SLC35D4: variants seen among roughly 807,000 people sequenced by gnomAD.
SLC35D4 encodes UDP-N-acetylglucosamine transporter SLC35D4.
At chr18:23,432,032 G>A in the SLC35D4 span, among the ~76,000 whole-genome samples, 32 of 152,158 alleles carry the variant, frequency 2.1e-4, no homozygotes, top group African/African-American at 7.0e-4. Flanking sequence ...CTGCTTATGC[G>A]TTGTTCTACA....
chr18:23,266,922 C>T, the SLC35D4 span, among the ~76,000 whole-genome samples: 1 of 152,248 alleles, frequency 6.6e-6, no homozygotes, highest in Non-Finnish European at 1.5e-5. Context: ...TCCTGGTTCG[C>T]TGATGAGGGG....
the SLC35D4 span, among the ~76,000 whole-genome samples, chr18:23,410,525 C>T: frequency 1.3e-5 from 2 of 150,898 alleles, no homozygotes; most frequent in Admixed American, 1.3e-4. Context: ...GGGCTGGGGG[C>T]TGGGCGTAGT....
chr18:23,370,134 GCGCCATTGCACTCCAGATCA>G, the SLC35D4 span: 6 of 1,242,308 alleles, frequency 4.8e-6, no homozygotes, highest in South Asian at 2.8e-5. Context: ...AGCTGAGACC[GCGCCATTGCACTCCAGATCA>G]CGCCATTGCA....
At chr18:23,412,786 G>A in the SLC35D4 span, among the ~76,000 whole-genome samples, 61 of 152,278 alleles carry the variant, frequency 4.0e-4, no homozygotes, top group Admixed American at 3.1e-3. Context: ...ACACCCAACC[G>A]TTTATGTATT....
chr18:23,309,610 A>G, the SLC35D4 span: 5 of 1,403,912 alleles, frequency 3.6e-6, no homozygotes, highest in Non-Finnish European at 5.1e-6. Flanking sequence ...AACATTTGAG[A>G]GCAAAATTTA....
At chr18:23,346,047 G>C in the SLC35D4 span, among the ~76,000 whole-genome samples, 1 of 152,014 alleles carries the variant, frequency 6.6e-6, no homozygotes, top group African/African-American at 2.4e-5. Flanking sequence ...GAGATGGGAG[G>C]ATTGCTTGAG....
the SLC35D4 span, chr18:23,399,681 G>A: frequency 6.2e-7 from 1 of 1,608,334 alleles, no homozygotes; most frequent in Non-Finnish European, 8.5e-7. Flanking sequence ...TAACACTTTT[G>A]CCACTTTTTG....
chr18:23,257,146 T>C, the SLC35D4 span: 19 of 1,489,458 alleles, frequency 1.3e-5, no homozygotes, highest in Non-Finnish European at 1.7e-5. Flanking sequence ...CACTGGCTGG[T>C]GGATAGAGAA....
At chr18:23,391,937 T>G in the SLC35D4 span, among the ~76,000 whole-genome samples, 1 of 150,636 alleles carries the variant, frequency 6.6e-6, no homozygotes, top group African/African-American at 2.5e-5. Flanking sequence ...TCTTTCTTTC[T>G]TCTTCTTTTT....
the SLC35D4 span, among the ~76,000 whole-genome samples, chr18:23,378,680 T>C: frequency 2.6e-5 from 4 of 152,232 alleles, no homozygotes; most frequent in African/African-American, 9.6e-5. Context: ...ATTTTTCTTC[T>C]ATATTTGATA....
chr18:23,262,762 G>C, the SLC35D4 span, among the ~76,000 whole-genome samples: 11 of 152,232 alleles, frequency 7.2e-5, no homozygotes, highest in Non-Finnish European at 1.5e-4. Context: ...GGAATTAGCC[G>C]AGTACACAGA....
At chr18:23,411,179 GGAAGGAAGGAGAGAAAGA>G in the SLC35D4 span, among the ~76,000 whole-genome samples, 18 of 146,102 alleles carry the variant, frequency 1.2e-4, no homozygotes, top group African/African-American at 4.6e-4. Context: ...AAGGAGGGAA[GGAAGGAAGGAGAGAAAGA>G]GAAGGAAGGA....
chr18:23,369,900 G>A, the SLC35D4 span, among the ~76,000 whole-genome samples: 3 of 152,328 alleles, frequency 2.0e-5, no homozygotes. Context: ...GTTTATCCTG[G>A]CCGGGTGTGG....
chr18:23,312,844 C>T, the SLC35D4 span, among the ~76,000 whole-genome samples: 1 of 152,154 alleles, frequency 6.6e-6, no homozygotes, highest in Middle Eastern at 3.4e-3. Flanking sequence ...AGAACCTGAG[C>T]CAACCGGGCG....
At chr18:23,394,465 T>C in the SLC35D4 span, among the ~76,000 whole-genome samples, 5 of 152,218 alleles carry the variant, frequency 3.3e-5, no homozygotes, top group Non-Finnish European at 7.3e-5. Context: ...AATCCCGCAA[T>C]TGAAGAGTGA....
chr18:23,363,230 G>A, the SLC35D4 span, among the ~76,000 whole-genome samples: 3 of 131,376 alleles, frequency 2.3e-5, no homozygotes, highest in Non-Finnish European at 4.9e-5. Flanking sequence ...GCCAGCCTGG[G>A]CAACAGAGCA....
chr18:23,239,438 G>C, the SLC35D4 span, among the ~76,000 whole-genome samples: 2 of 152,144 alleles, frequency 1.3e-5, no homozygotes, highest in African/African-American at 2.4e-5. Flanking sequence ...CAGAATTCTC[G>C]TCTAAGTTCT....
At chr18:23,433,890 A>T in the SLC35D4 span, among the ~76,000 whole-genome samples, 1 of 152,162 alleles carries the variant, frequency 6.6e-6, no homozygotes, top group Non-Finnish European at 1.5e-5. Context: ...TCACTAATTC[A>T]AAAGAAAATT....
chr18:23,386,618 TGAACTTG>T, the SLC35D4 span, among the ~76,000 whole-genome samples: 2 of 149,778 alleles, frequency 1.3e-5, no homozygotes, highest in Admixed American at 6.8e-5. Context: ...GATGGTGACC[TGAACTTG>T]GTACTGGCAG....
Sources: gnomAD v4.1 joint callset for allele counts (sites outside exome capture counted in the v4.1 genomes callset) on GRCh38, gnomAD v4.1.1 for gene constraint, MANE v1.5 for transcripts, NCBI Gene and HGNC (gene_info 2026-07-23, HGNC 2026-07-21) for gene names.